Variants in ASIC2 observed in about 807,000 individuals in gnomAD.
ASIC2 encodes the protein acid sensing ion channel subunit 2, also known as acid-sensing ion channel 2.
Under a neutral mutation model 57.3 loss-of-function variants are expected in ASIC2, and 25 were observed. That is an observed-to-expected ratio of 0.44 (90% CI 0.32 to 0.61). The LOEUF is 0.61. Among genes scored for constraint, ASIC2 ranks in the 20% least tolerant of loss-of-function variants. ASIC2 has a pLI of 0.06. For missense variants in ASIC2, 641 were observed against 738.1 expected (o/e 0.87, Z 1.52); for synonymous variants, 319 against 307.5 (o/e 1.04, Z -0.39).
chr17:33,806,331 A>G (rs1912267717), intron 1 of ASIC2, among the ~76,000 whole-genome samples: 1 of 152,226 alleles, frequency 6.6e-6, no homozygotes, highest in Non-Finnish European at 1.5e-5. Context: ...ATTTTGTATA[A>G]TTTTCACATT....
intron 1 of ASIC2, among the ~76,000 whole-genome samples, chr17:33,486,697 A>G (rs558839255): frequency 6.6e-6 from 1 of 152,310 alleles, no homozygotes; most frequent in South Asian, 2.1e-4. Context: ...AAACAGCCTG[A>G]AGGGCTCCCT....
intron 1 of ASIC2, among the ~76,000 whole-genome samples, chr17:33,765,322 A>G (rs538209254): frequency 1.0e-3 from 155 of 152,022 alleles, no homozygotes; most frequent in African/African-American, 3.4e-3. Context: ...ATTAGCCAGG[A>G]TGGTCTCGAC....
intron 1 of ASIC2, among the ~76,000 whole-genome samples, chr17:33,126,824 C>T (rs1403472735): frequency 6.7e-6 from 1 of 148,406 alleles, no homozygotes; most frequent in East Asian, 2.0e-4. Context: ...TGCCACATGT[C>T]AGGCGAACCT....
rs1027849780 is a variant in ASIC2, at chr17:33,285,809, A to G, written c.708+5599T>C. Among the ~76,000 whole-genome samples, 7 of 152,352 alleles carry G rather than the reference A, an allele frequency of 4.6e-5. 1 individual carries two copies. In the East Asian group the frequency reaches 1.2e-3, roughly 25 times the overall value. ...CCATTTATAAAATGTAGATTTTCAC[A>G]CAGTCTTCCAGGGTTATTGCACAGA... On this transcript the variant is annotated intron_variant, in intron 1 of 9. Coordinates refer to ENST00000225823, the MANE Select transcript of ASIC2 (RefSeq NM_183377.2).
intron 1 of ASIC2, among the ~76,000 whole-genome samples, chr17:33,539,850 C>A (rs889654120): frequency 7.2e-5 from 11 of 152,288 alleles, no homozygotes; most frequent in African/African-American, 2.4e-4. Context: ...CATGCAGTGT[C>A]ATGGGAATGA....
intron 1 of ASIC2, among the ~76,000 whole-genome samples, chr17:33,923,663 A>G (rs1483742491): frequency 3.9e-5 from 6 of 152,216 alleles, no homozygotes; most frequent in South Asian, 4.1e-4. Flanking sequence ...AGTGGGGCTC[A>G]GGGTTCAGGG....
intron 1 of ASIC2, among the ~76,000 whole-genome samples, chr17:33,952,571 T>C (rs943312018): frequency 2.0e-5 from 3 of 152,210 alleles, no homozygotes; most frequent in South Asian, 2.1e-4. Flanking sequence ...GGGTCCTTGA[T>C]GATATCATCA....
intron 1 of ASIC2, among the ~76,000 whole-genome samples, chr17:33,668,916 G>C (rs775690526): frequency 6.6e-6 from 1 of 152,132 alleles, no homozygotes; most frequent in Admixed American, 6.5e-5. Flanking sequence ...GTAGAAGAAG[G>C]CTTCTTGGCA....
chr17:34,145,662 T>C lies in ASIC2; in HGVS notation c.555+10316A>G, dbSNP rs191603139. Among the ~76,000 whole-genome samples the C allele has an allele frequency of 2.7e-3, 417 of 152,342 alleles. 4 individuals carry two copies. The highest frequency in any genetic ancestry group is 9.4e-3 in the African/African-American group (390 of 41,590). ...CAGAGAAAGTCACATTCCTCTTCTCTATGATTGCCTTCGAAGTGTTTTAAA... is the reference window on the plus strand; with the variant it reads ...CAGAGAAAGTCACATTCCTCTTCTCCATGATTGCCTTCGAAGTGTTTTAAA... On this transcript the variant is annotated intron_variant, in intron 1 of 9. Coordinates refer to the ASIC2 transcript ENST00000359872.
At chr17:33,792,767 C>T (rs1411754803) in intron 1 of ASIC2, 2 of 152,184 alleles carry the variant, frequency 1.3e-5, no homozygotes, top group African/African-American at 2.4e-5. Context: ...TGGCATGTAA[C>T]ACATTCAGGC....
intron 1 of ASIC2, among the ~76,000 whole-genome samples, chr17:34,077,817 A>C (rs1909727687): frequency 6.6e-6 from 1 of 152,102 alleles, no homozygotes; most frequent in Non-Finnish European, 1.5e-5. Flanking sequence ...GCCTCTCTGA[A>C]GAAGCATGCA....
At chr17:34,038,251 T>C (rs987259897) in intron 1 of ASIC2, 21 of 1,610,854 alleles carry the variant, frequency 1.3e-5, no homozygotes, top group Admixed American at 3.3e-5. Flanking sequence ...CCTCTTTCTC[T>C]GACATTAATT....
At chr17:33,022,337 G>A (rs2091839631) in intron 6 of ASIC2, among the ~76,000 whole-genome samples, 1 of 152,152 alleles carries the variant, frequency 6.6e-6, no homozygotes, top group Admixed American at 6.5e-5. Context: ...CATTTCAAAT[G>A]CTCGTTGGCC....
In ASIC2 at chr17:33,892,592, G is replaced by A. The variant is rs116544183; in HGVS notation, c.555+263386C>T. Among the ~76,000 whole-genome samples the A allele has an allele frequency of 7.3e-3, 1,105 of 152,284 alleles. 14 individuals are homozygous for A. The highest frequency in any genetic ancestry group is 0.025 in the African/African-American group (1,052 of 41,556). On this transcript the variant is annotated intron_variant, in intron 1 of 9. Transcript: ENST00000359872. ...ATATCTGTATAATCCACACTGAATTGTACCTGGCAACTGACCAGCATGCCT... is the reference window on the plus strand; with the variant it reads ...ATATCTGTATAATCCACACTGAATTATACCTGGCAACTGACCAGCATGCCT...
intron 1 of ASIC2, among the ~76,000 whole-genome samples, chr17:33,126,394 T>G (rs1484614806): frequency 6.6e-6 from 1 of 152,234 alleles, no homozygotes; most frequent in Non-Finnish European, 1.5e-5. Flanking sequence ...CACTTTGGTC[T>G]CTGTGACTCT....
chr17:33,268,598 T>C (rs1909570002), intron 1 of ASIC2, among the ~76,000 whole-genome samples: 1 of 152,190 alleles, frequency 6.6e-6, no homozygotes, highest in South Asian at 2.1e-4. Context: ...TTCCAGTAGA[T>C]AAAGAAGTCA....
intron 1 of ASIC2, among the ~76,000 whole-genome samples, chr17:33,994,210 T>G (rs1906085512): frequency 6.6e-6 from 1 of 152,198 alleles, no homozygotes; most frequent in Non-Finnish European, 1.5e-5. Context: ...TACTTGTATA[T>G]TGCTCAATAT....
At chr17:33,673,880 G>A (rs542082922) in intron 1 of ASIC2, among the ~76,000 whole-genome samples, 1 of 151,250 alleles carries the variant, frequency 6.6e-6, no homozygotes, top group Non-Finnish European at 1.5e-5. Flanking sequence ...TCTGAGCTAA[G>A]GTCTGTGCAT....
intron 4 of ASIC2, 73 bp from the exon 5 acceptor site, chr17:33,026,055 G>C: frequency 6.5e-7 from 1 of 1,549,058 alleles, no homozygotes; most frequent in Non-Finnish European, 8.8e-7. Flanking sequence ...CTCTGCTTTG[G>C]GCTTAGGGAA....
Sources: allele counts gnomAD v4.1 joint callset (sites outside exome capture counted in the v4.1 genomes callset), GRCh38; gene constraint gnomAD v4.1.1; transcripts MANE v1.5; gene names NCBI Gene and HGNC (gene_info 2026-07-23, HGNC 2026-07-21).